MAEL: variants seen among roughly 807,000 people sequenced by gnomAD.
MAEL encodes the protein protein maelstrom homolog.
In MAEL, 46 loss-of-function variants were observed where a neutral mutation model predicts 62.0. The ratio of observed to expected loss-of-function variants is 0.74; its 90% CI spans 0.59 to 0.95. The LOEUF (loss-of-function observed/expected upper bound fraction) is 0.95. MAEL is among the 40% of genes least tolerant of loss of function. The pLI, the probability that MAEL is intolerant of heterozygous loss-of-function variation, is 0.00. For synonymous variants in MAEL, 172 were observed against 175.5 expected (o/e 0.98, Z 0.16); for missense variants, 497 against 526.8 (o/e 0.94, Z 0.55).
intron 1 of MAEL, among the ~76,000 whole-genome samples, chr1:166,981,408 T>TA (rs1663755132): frequency 6.6e-6 from 1 of 152,152 alleles, no homozygotes; most frequent in African/African-American, 2.4e-5. Context: ...ATCTAGAAAT[T>TA]AAAAACGAAT....
chr1:167,021,906 C>CT lies in MAEL; in HGVS notation c.*53dup. 8.3e-7 allele frequency: 1 copy of CT among 1,202,190 alleles called. No homozygotes were observed. The highest frequency in any genetic ancestry group is 1.4e-5 in the South Asian group (1 of 70,638). 74.5% of individuals were successfully genotyped at this position (1,202,190 alleles called of 1,614,324 possible). A position where few individuals can be genotyped will look rare whatever the true frequency, so the allele number is the denominator to read the frequency against. On this transcript the variant is annotated 3_prime_UTR_variant, in exon 12 of 12. Transcript: ENST00000367872. ...AAACAGTAACAGGCCCAACTTCCTT[C>CT]TTACTACAGTCATATTAAACAGATC... is the stretch of plus-strand genomic sequence containing the variant.
At chr1:166,989,913 C>T in intron 2 of MAEL, 84 bp downstream of exon 2, 4 of 1,065,812 alleles carry the variant, frequency 3.8e-6, no homozygotes, top group Non-Finnish European at 5.5e-6. Context: ...GAGTGAATGT[C>T]AAGGGTGGAC....
At chr1:166,988,755 A>C (rs1170972689), upstream of MAEL, among the ~76,000 whole-genome samples, 1 of 152,222 alleles carries the variant, frequency 6.6e-6, no homozygotes, top group Non-Finnish European at 1.5e-5. Flanking sequence ...ATAAAACTTT[A>C]AGGATATTTT....
At chr1:166,990,100 G>C (rs77054604) in intron 2 of MAEL, 228 of 262,000 alleles carry the variant, frequency 8.7e-4, no homozygotes, top group African/African-American at 4.7e-3. Flanking sequence ...CACTTTGATC[G>C]CTAATGGGAG....
intron 5 of MAEL, among the ~76,000 whole-genome samples, chr1:166,997,893 G>T (rs1664495582): frequency 6.6e-6 from 1 of 151,684 alleles, no homozygotes; most frequent in African/African-American, 2.4e-5. Flanking sequence ...ATGAGGGAGA[G>T]ATTCACTTTA....
chr1:167,005,277 T>G lies in MAEL; in HGVS notation c.725T>G (p.Leu242Arg). Residue 242 changes from leucine to arginine, a missense_variant, in exon 8 of 12, where the codon CTT (leucine) becomes CGT (arginine). Transcript: ENST00000367872. The stretch of plus-strand genomic sequence containing the variant: ...GAAGAAATCAGGCAAGATCTACAAC[T>G]TCTCACTGTAGAGGACCTTGTAGTG... ...KASEIRQDLQ[L>R]LTVEDLVVGI... is the part of the protein sequence containing the mutation. The G allele has an allele frequency of 6.2e-7, 1 of 1,613,274 alleles. No homozygotes were observed. The highest frequency in any genetic ancestry group is 2.2e-5 in the East Asian group (1 of 44,864).
At chr1:167,007,812 T>TA (rs1287495874) in intron 8 of MAEL, among the ~76,000 whole-genome samples, 1 of 152,058 alleles carries the variant, frequency 6.6e-6, no homozygotes, top group Non-Finnish European at 1.5e-5. Flanking sequence ...CCACTATTTT[T>TA]AAAAAAAGAC....
In MAEL at chr1:166,991,617, C is replaced by G. The variant is rs887091227; in HGVS notation, c.325+140C>G. 19 of 539,754 alleles carry G rather than the reference C, an allele frequency of 3.5e-5. No homozygotes were observed. In the African/African-American group the frequency reaches 3.6e-4, roughly 10 times the overall value. 33.4% of individuals were successfully genotyped at this position (539,754 alleles called of 1,614,324 possible). ...CAAGTGTTAAATATTGTGGTACTGACATTATAAAAGATTAGGTAATTTGTT... is the reference window on the plus strand; with the variant it reads ...CAAGTGTTAAATATTGTGGTACTGAGATTATAAAAGATTAGGTAATTTGTT... On this transcript the variant is annotated intron_variant, in intron 3 of 11. Transcript: ENST00000367872.
rs1447301994 is a variant in MAEL at position 166,989,746 on chromosome 1, G to A, written c.142G>A (p.Glu48Lys). Residue 48 changes from glutamate (E) to lysine (K), a missense_variant, in exon 2 of 12, where the codon GAG becomes AAG. Transcript: ENST00000367872. ...YCSSDWALLR[E>K]EEKEKYAEMA... ...CTTCAATCCCCAAAAGCTTCTGAGG[G>A]AGGAAGAAAAGGAGAAATACGCAGA... 6.2e-7 allele frequency: 1 copy of A among 1,613,774 alleles called. No homozygotes were observed. The highest frequency in any genetic ancestry group is 1.1e-5 in the South Asian group (1 of 90,938).
intron 8 of MAEL, among the ~76,000 whole-genome samples, chr1:167,006,588 T>G (rs1322434197): frequency 2.2e-5 from 3 of 139,050 alleles, no homozygotes; most frequent in Admixed American, 7.3e-5. Context: ...ATTGGAAAGT[T>G]ACTGGTTTTT....
chr1:167,005,210 A>G (rs770288119), intron 7 of MAEL, 46 bp from the exon 8 acceptor site: 24 of 1,610,018 alleles, frequency 1.5e-5, no homozygotes, highest in Non-Finnish European at 2.0e-5. Flanking sequence ...TCTTCCAGGT[A>G]TCTAAATTTA....
upstream of MAEL, chr1:166,989,096 C>T: frequency 2.0e-6 from 1 of 491,592 alleles, no homozygotes; most frequent in Non-Finnish European, 3.7e-6. Flanking sequence ...GCCTGCCACG[C>T]ACCCAGCCAA....
In MAEL at chr1:166,989,301, A is replaced by T. The variant is rs367546837; in HGVS notation, c.-52A>T. 4.3e-3 allele frequency: 6,746 copies of T among 1,572,266 alleles called. 34 individuals carry two copies. The highest frequency in any genetic ancestry group is 5.3e-3 in the Non-Finnish European group (6,176 of 1,157,544). On this transcript the variant is annotated 5_prime_UTR_variant, in exon 1 of 12. Transcript: ENST00000367872. ...TGTTACTTAGGGCGGGAGCCCGGCG[A>T]GGGCGCCGGTGCTTTGTTCTGTCTG... is the stretch of plus-strand genomic sequence containing the variant.
intron 8 of MAEL, among the ~76,000 whole-genome samples, chr1:167,009,241 C>A (rs1033764990): frequency 2.0e-5 from 3 of 152,150 alleles, no homozygotes; most frequent in Non-Finnish European, 4.4e-5. Flanking sequence ...AACCTTGATA[C>A]AGTAAATTGA....
At chr1:167,017,353 T>C (rs900239461) in intron 9 of MAEL, among the ~76,000 whole-genome samples, 1 of 152,210 alleles carries the variant, frequency 6.6e-6, no homozygotes, top group Non-Finnish European at 1.5e-5. Flanking sequence ...CCTAGCAATA[T>C]GGGTGAACCT....
Position 166,994,077 on chromosome 1 carries a change from T to C in MAEL, c.523+8T>C, listed in dbSNP as rs1664303237. 6.2e-7 allele frequency: 1 copy of C among 1,612,204 alleles called. No homozygotes were observed. The highest frequency in any genetic ancestry group is 8.5e-7 in the Non-Finnish European group (1 of 1,178,634). ...TTCATTGTCAGGCTGCAAGTAAGTA[T>C]AAAGGAATGGGGTAGGATTTGTGAC... On this transcript the variant is annotated splice_region_variant and intron_variant, in intron 5 of 11. Coordinates refer to ENST00000367872, the MANE Select transcript of MAEL (RefSeq NM_032858.3).
upstream of MAEL, chr1:166,989,062 GGCCTCCCACGTGACAATGCCTCC>G (rs1664024866): frequency 2.5e-6 from 1 of 406,320 alleles, no homozygotes; most frequent in Admixed American, 3.6e-5. Context: ...AATTGCTCCA[GGCCTCCCACGTGACAATGCCTCC>G]GCCTGCCACG....
intron 5 of MAEL, among the ~76,000 whole-genome samples, chr1:166,997,118 G>A (rs775536361): frequency 1.3e-5 from 2 of 152,166 alleles, no homozygotes; most frequent in Non-Finnish European, 2.9e-5. Flanking sequence ...GAGCCACCAC[G>A]CCTGGCCCCC....
Position 166,989,847 on chromosome 1 carries a change from A to G in MAEL, c.225+18A>G. 6.3e-7 allele frequency: 1 copy of G among 1,593,164 alleles called. No homozygotes were observed. Among genetic ancestry groups the G allele is most frequent in the Non-Finnish European group, 8.6e-7 (1 of 1,166,584 alleles). On this transcript the variant is annotated intron_variant, in intron 2 of 11. Transcript: ENST00000367872. ...AGAAGCAGGTAAAGTTAACGAGAGA[A>G]GAGCCGCCATCTGCCTGGCACATAG...
Sources: allele counts gnomAD v4.1 joint callset (sites outside exome capture counted in the v4.1 genomes callset), GRCh38; gene constraint gnomAD v4.1.1; transcripts MANE v1.5; gene names NCBI Gene and HGNC (gene_info 2026-07-23, HGNC 2026-07-21).